SMYD3: variants seen among roughly 807,000 people sequenced by gnomAD.
SMYD3 encodes the protein SET and MYND domain containing 3, also known as histone-lysine N-methyltransferase SMYD3.
A neutral mutation model predicts 57.7 loss-of-function variants in SMYD3; 36 were observed. That is an observed-to-expected ratio of 0.62 (90% CI 0.48 to 0.82). SMYD3 has a LOEUF of 0.82. SMYD3 is among the 40% of genes least tolerant of loss of function. The probability of loss-of-function intolerance (pLI) is 0.00; values close to 1 mark genes in which losing one functional copy is unlikely to be tolerated. For missense variants in SMYD3, 515 were observed against 538.8 expected, an observed-to-expected ratio of 0.96 and a Z score of 0.44; for synonymous variants, 211 against 195.0, an observed-to-expected ratio of 1.08 and a Z score of -0.68.
chr1:246,479,798 G>A (rs1177882826), intron 1 of SMYD3, among the ~76,000 whole-genome samples: 1 of 152,098 alleles, frequency 6.6e-6, no homozygotes, highest in Admixed American at 6.6e-5. Context: ...TTGAGTCACG[G>A]CACCCAGCCC....
chr1:246,011,749 T>TTGATAACTCACTGAAATCTGCA (rs1348242665), intron 5 of SMYD3, among the ~76,000 whole-genome samples: 3 of 152,324 alleles, frequency 2.0e-5, no homozygotes, highest in Non-Finnish European at 4.4e-5. Context: ...TTAAAGTGGA[T>TTGATAACTCACTGAAATCTGCA]TGATAACTCA....
intron 10 of SMYD3, among the ~76,000 whole-genome samples, chr1:245,781,833 G>T (rs2148140610): frequency 6.6e-6 from 1 of 152,214 alleles, no homozygotes; most frequent in Non-Finnish European, 1.5e-5. Context: ...GCTGAGCGTG[G>T]TGGCATGCAT....
chr1:246,370,424 T>C (rs568224139), intron 1 of SMYD3, among the ~76,000 whole-genome samples: 1 of 152,268 alleles, frequency 6.6e-6, no homozygotes, highest in Admixed American at 6.5e-5. Flanking sequence ...TAGGACTATT[T>C]TGGGGGACAA....
chr1:246,160,478 T>C (rs2062098438), intron 5 of SMYD3, among the ~76,000 whole-genome samples: 1 of 152,228 alleles, frequency 6.6e-6, no homozygotes, highest in Admixed American at 6.5e-5. Context: ...TCAAAGCTCC[T>C]GCCAGTTCCT....
intron 5 of SMYD3, among the ~76,000 whole-genome samples, chr1:246,021,105 C>T (rs922716440): frequency 2.0e-5 from 3 of 152,182 alleles, no homozygotes; most frequent in African/African-American, 4.8e-5. Flanking sequence ...ATGTGACAAT[C>T]ACAAGGCAGT....
intron 1 of SMYD3, among the ~76,000 whole-genome samples, chr1:246,496,308 A>G (rs1417500049): frequency 6.6e-6 from 1 of 152,050 alleles, no homozygotes; most frequent in East Asian, 2.0e-4. Context: ...TGCTGGGATT[A>G]CAGGCGTGAG....
intron 5 of SMYD3, among the ~76,000 whole-genome samples, chr1:246,019,788 T>G (rs2059438278): frequency 6.6e-6 from 1 of 152,136 alleles, no homozygotes; most frequent in Admixed American, 6.6e-5. Context: ...TACATATATA[T>G]AAATGTACAT....
chr1:245,774,899 C>T (rs1054094838), intron 10 of SMYD3, among the ~76,000 whole-genome samples: 1 of 152,212 alleles, frequency 6.6e-6, no homozygotes, highest in Admixed American at 6.5e-5. Context: ...GACGGGGTTT[C>T]ACTGTGTTGG....
chr1:245,947,478 T>C (rs559751522), intron 5 of SMYD3: 25 of 455,022 alleles, frequency 5.5e-5, no homozygotes, highest in South Asian at 3.9e-4. Context: ...CACCGTATTT[T>C]AAAACATCAG....
At chr1:246,001,077 C>T (rs559699019) in intron 5 of SMYD3, among the ~76,000 whole-genome samples, 17 of 152,318 alleles carry the variant, frequency 1.1e-4, no homozygotes, top group Admixed American at 7.8e-4. Flanking sequence ...CGCTGTCCTG[C>T]GCCCCCGACG....
At chr1:246,401,574 C>G (rs1252024418) in intron 1 of SMYD3, among the ~76,000 whole-genome samples, 1 of 152,082 alleles carries the variant, frequency 6.6e-6, no homozygotes, top group Non-Finnish European at 1.5e-5. Flanking sequence ...CTCAGGTGAT[C>G]TGCCCACCTC....
intron 8 of SMYD3, among the ~76,000 whole-genome samples, chr1:245,883,143 A>G (rs2052882042): frequency 6.6e-6 from 1 of 152,194 alleles, no homozygotes. Context: ...CAATCCCTTG[A>G]AGCTCTATTA....
chr1:245,813,860 C>CTATATATATATATATATA (rs6143718), intron 10 of SMYD3, among the ~76,000 whole-genome samples: 6 of 146,954 alleles, frequency 4.1e-5, no homozygotes, highest in African/African-American at 1.6e-4. Flanking sequence ...TCATGGAGCC[C>CTATATATATATATATATA]TATATATATA....
intron 10 of SMYD3, among the ~76,000 whole-genome samples, chr1:245,808,974 G>A (rs1217420000): frequency 6.6e-6 from 1 of 152,100 alleles, no homozygotes; most frequent in East Asian, 1.9e-4. Context: ...TGTTGGCCAG[G>A]CTGGTCTTGG....
At chr1:246,459,892 G>T (rs1175660197) in intron 1 of SMYD3, among the ~76,000 whole-genome samples, 3 of 139,430 alleles carry the variant, frequency 2.2e-5, no homozygotes, top group Non-Finnish European at 3.0e-5. Flanking sequence ...CTGTCATTTG[G>T]CTGCAGAGGA....
intron 5 of SMYD3, among the ~76,000 whole-genome samples, chr1:246,192,346 C>T (rs878865953): frequency 3.9e-5 from 6 of 152,150 alleles, no homozygotes; most frequent in Admixed American, 3.9e-4. Flanking sequence ...AAGAAAGGGG[C>T]TACAGAACTC....
At chr1:245,760,987 A>T (rs1304937765) in intron 11 of SMYD3, among the ~76,000 whole-genome samples, 1 of 152,186 alleles carries the variant, frequency 6.6e-6, no homozygotes, top group Admixed American at 6.5e-5. Flanking sequence ...ATGAAATTAT[A>T]TTCAGAGATT....
chr1:245,749,547 C>T lies in SMYD3; in HGVS notation c.*16G>A, dbSNP rs181018832. ...CAACAAAGACACACGCCGTATTTCC[C>T]TCTGACTGCGTTCCCTTAGGATGCT... On this transcript the variant is annotated 3_prime_UTR_variant, in exon 12 of 12. Coordinates refer to ENST00000490107, the MANE Select transcript of SMYD3 (RefSeq NM_001167740.2). 5.6e-5 allele frequency: 90 copies of T among 1,604,652 alleles called. No homozygotes were observed. The African/African-American group carries it at 9.6e-4, about 17-fold the overall frequency.
At chr1:245,949,825 A>ACCCCCCCCCCCCC (rs376505931) in intron 5 of SMYD3, among the ~76,000 whole-genome samples, 24 of 93,298 alleles carry the variant, frequency 2.6e-4, no homozygotes, top group Non-Finnish European at 3.0e-4. Context: ...AAAGAAACCC[A>ACCCCCCCCCCCCC]CCCCCCCCAC....
Sources: allele counts gnomAD v4.1 joint callset (sites outside exome capture counted in the v4.1 genomes callset), GRCh38; gene constraint gnomAD v4.1.1; transcripts MANE v1.5; gene names NCBI Gene and HGNC (gene_info 2026-07-23, HGNC 2026-07-21).